The following PDE6A variants were observed in gnomAD, a reference collection of about 807,000 sequenced individuals.
PDE6A encodes phosphodiesterase 6A, also known as rod cGMP-specific 3',5'-cyclic phosphodiesterase subunit alpha.
In PDE6A, 84 loss-of-function variants were observed where a neutral mutation model predicts 106.3. The ratio of observed to expected loss-of-function variants is 0.79; its 90% CI spans 0.66 to 0.95. The LOEUF (loss-of-function observed/expected upper bound fraction) is 0.95, where lower values mean the gene tolerates loss of function less well. PDE6A is among the 40% of genes least tolerant of loss of function. The probability of loss-of-function intolerance (pLI) is 0.00; values close to 1 mark genes in which losing one functional copy is unlikely to be tolerated. For missense variants in PDE6A, 1,052 were observed against 1,084.9 expected (o/e 0.97, Z 0.43); for synonymous variants, 394 against 386.6 (o/e 1.02, Z -0.23).
chr5:149,933,789 C>T (rs1012152452), intron 3 of PDE6A, 141 bp downstream of exon 3: 1 of 690,034 alleles, frequency 1.4e-6, no homozygotes, highest in East Asian at 2.7e-5. Flanking sequence ...TACAGACAAC[C>T]ACTACCTCAT....
At chr5:149,862,797 T>C (rs74422901) in intron 21 of PDE6A, among the ~76,000 whole-genome samples, 3,309 of 152,240 alleles carry the variant, frequency 0.022, 132 homozygotes, top group African/African-American at 0.076. Flanking sequence ...TTCCAACCAA[T>C]AATTATAGAT....
Position 149,931,018 on chromosome 5 carries a change from G to A in PDE6A, c.858+10C>T, listed in dbSNP as rs370635591. 9 of 1,613,776 alleles carry A rather than the reference G, an allele frequency of 5.6e-6. No individual in the cohort carries two copies. In the African/African-American group the frequency reaches 1.2e-4, roughly 22 times the overall value. ...TTTCTTGGAAATGTCTGTTGCTGAA[G>A]TTTTCTCACCTTCTGCTTGGTCATG... is the stretch of plus-strand genomic sequence containing the variant. On this transcript the variant is annotated intron_variant, in intron 4 of 21. Coordinates refer to ENST00000255266, the MANE Select transcript of PDE6A (RefSeq NM_000440.3).
intron 3 of PDE6A, among the ~76,000 whole-genome samples, chr5:149,931,529 G>A (rs572699135): frequency 6.6e-6 from 1 of 152,310 alleles, no homozygotes; most frequent in South Asian, 2.1e-4. Context: ...CTGCTGAAAT[G>A]TTAGAAATTA....
chr5:149,893,465 A>G (rs1752621202), intron 13 of PDE6A, among the ~76,000 whole-genome samples: 1 of 152,130 alleles, frequency 6.6e-6, no homozygotes, highest in African/African-American at 2.4e-5. Context: ...TAATAACCTA[A>G]TCACTGCCAA....
intron 8 of PDE6A, among the ~76,000 whole-genome samples, chr5:149,901,563 C>T (rs1406452546): frequency 6.6e-6 from 1 of 152,020 alleles, no homozygotes; most frequent in African/African-American, 2.4e-5. Flanking sequence ...AAACAAAAAA[C>T]AACATTATTT....
intron 4 of PDE6A, among the ~76,000 whole-genome samples, chr5:149,926,959 CA>C (rs1753879884): frequency 1.0e-5 from 1 of 97,878 alleles, no homozygotes; most frequent in Non-Finnish European, 1.9e-5. Context: ...GCCTGGGCAA[CA>C]AGAGCGAAAC....
rs1338378538 is a variant in PDE6A, at chr5:149,883,459, A to G, written c.2105T>C (p.Met702Thr). The G allele has an allele frequency of 1.9e-6, 3 of 1,613,456 alleles. No homozygotes were observed. Among genetic ancestry groups the G allele is most frequent in the Non-Finnish European group, 1.7e-6 (2 of 1,179,496 alleles). Reference protein sequence around the residue: ...ESEQEWTQYMMLEQTRKEIVM... With the variant: ...ESEQEWTQYMTLEQTRKEIVM... ...GATTTCCTTCCGTGTCTGCTCCAGCATCATGTACTGTGTCCACTCCTGTTC... is the reference window on the plus strand; with the variant it reads ...GATTTCCTTCCGTGTCTGCTCCAGCGTCATGTACTGTGTCCACTCCTGTTC... The change falls in exon 17 of 22, where the codon ATG becomes ACG. Residue 702 changes from methionine to threonine, a missense_variant. Coordinates refer to ENST00000255266, the MANE Select transcript of PDE6A (RefSeq NM_000440.3).
In PDE6A at chr5:149,859,172, A is replaced by G. The variant is rs1001458498; in HGVS notation, c.*1723T>C. 2.6e-5 allele frequency: 4 copies of G among 152,202 alleles called. No individual in the cohort carries two copies. Among genetic ancestry groups the G allele is most frequent in the African/African-American group, 9.6e-5 (4 of 41,454 alleles). 9.4% of individuals were successfully genotyped at this position (152,202 alleles called of 1,614,324 possible). A position where few individuals can be genotyped will look rare whatever the true frequency, so the allele number is the denominator to read the frequency against. On this transcript the variant is annotated 3_prime_UTR_variant, in exon 22 of 22. Coordinates refer to ENST00000255266, the MANE Select transcript of PDE6A (RefSeq NM_000440.3). Reference sequence around the variant, plus strand: ...CAGAATGCCTGCTAATTTAAGAAACAGAAGTTCTGGAATTGAGAATAATCT... The same window carrying G: ...CAGAATGCCTGCTAATTTAAGAAACGGAAGTTCTGGAATTGAGAATAATCT...
intron 18 of PDE6A, 105 bp from the exon 19 acceptor site, chr5:149,867,904 C>A: frequency 8.4e-7 from 1 of 1,188,018 alleles, no homozygotes; most frequent in Non-Finnish European, 1.2e-6. Flanking sequence ...AAGGATAAAC[C>A]CATCCCTGCC....
chr5:149,914,571 G>A (rs1376924954), intron 6 of PDE6A, among the ~76,000 whole-genome samples: 1 of 150,950 alleles, frequency 6.6e-6, no homozygotes, highest in Non-Finnish European at 1.5e-5. Context: ...GATTAGGAGA[G>A]AGGTAAACGC....
In PDE6A at chr5:149,886,245, G is replaced by A. The variant is rs779601968; in HGVS notation, c.1838+20C>T. 1.3e-6 allele frequency: 2 copies of A among 1,534,870 alleles called. No individual in the cohort carries two copies. The highest frequency in any genetic ancestry group is 1.4e-5 in the African/African-American group (1 of 73,476). ...ATAATGAATCCGGAGGGTTGGGTGT[G>A]GGGAGGGAGGCTGACTCACTTCATC... is the stretch of plus-strand genomic sequence containing the variant. On this transcript the variant is annotated intron_variant, in intron 14 of 21. Transcript: ENST00000255266.
At chr5:149,914,513 G>A (rs924460018) in intron 6 of PDE6A, among the ~76,000 whole-genome samples, 5 of 152,118 alleles carry the variant, frequency 3.3e-5, no homozygotes, top group Admixed American at 6.6e-5. Context: ...CCGTGATAAC[G>A]TTCCACTTCA....
Position 149,860,706 on chromosome 5 carries a change from G to A in PDE6A, c.*189C>T. 2.0e-6 allele frequency: 1 copy of A among 505,218 alleles called. No individual in the cohort carries two copies. The highest frequency in any genetic ancestry group is 3.0e-5 in the East Asian group (1 of 32,994). 31.3% of individuals were successfully genotyped at this position (505,218 alleles called of 1,614,324 possible). A position where few individuals can be genotyped will look rare whatever the true frequency, so the allele number is the denominator to read the frequency against. On this transcript the variant is annotated 3_prime_UTR_variant, in exon 22 of 22. Coordinates refer to ENST00000255266, the MANE Select transcript of PDE6A (RefSeq NM_000440.3). The stretch of plus-strand genomic sequence containing the variant: ...ATTAGTGTTACTGTATTTTATGTGT[G>A]ACCCAAGACAATTCTTCCAATGTGG...
intron 3 of PDE6A, 90 bp downstream of exon 3, chr5:149,933,840 C>T (rs1034621743): frequency 1.5e-5 from 14 of 924,288 alleles, no homozygotes; most frequent in African/African-American, 1.5e-4. Flanking sequence ...TCCTAGGCAC[C>T]TTCATTCCCA....
intron 12 of PDE6A, 39 bp from the exon 13 acceptor site, chr5:149,895,329 G>A: frequency 1.5e-6 from 2 of 1,358,706 alleles, no homozygotes; most frequent in Non-Finnish European, 2.1e-6. Context: ...GGACACACCT[G>A]AAATGGTCTC....
intron 17 of PDE6A, among the ~76,000 whole-genome samples, chr5:149,873,880 G>A (rs993570562): frequency 6.6e-6 from 1 of 151,818 alleles, no homozygotes; most frequent in African/African-American, 2.4e-5. Flanking sequence ...TAAAATTACT[G>A]AAGTAGTCCT....
At chr5:149,874,319 CAAAG>C (rs1391921219) in intron 17 of PDE6A, among the ~76,000 whole-genome samples, 8 of 152,200 alleles carry the variant, frequency 5.3e-5, no homozygotes, top group African/African-American at 1.7e-4. Context: ...GACTTGGCAA[CAAAG>C]TTGAAATGTG....
At position 149,860,487 on chromosome 5, in the gene PDE6A, C is replaced by G. The variant is rs1222236301; in HGVS notation, c.*408G>C. ...AGAATATTGGTTTTAGCTCAATAGGCAGTTCTCAAGACTAAAAGAATGTTT... is the reference window on the plus strand; with the variant it reads ...AGAATATTGGTTTTAGCTCAATAGGGAGTTCTCAAGACTAAAAGAATGTTT... On this transcript the variant is annotated 3_prime_UTR_variant, in exon 22 of 22. Coordinates refer to ENST00000255266, the MANE Select transcript of PDE6A (RefSeq NM_000440.3). 2 of 158,700 alleles carry G rather than the reference C, an allele frequency of 1.3e-5. No homozygotes were observed. The highest frequency in any genetic ancestry group is 2.4e-5 in the African/African-American group (1 of 41,634). 9.8% of individuals were successfully genotyped at this position (158,700 alleles called of 1,614,324 possible). A position where few individuals can be genotyped will look rare whatever the true frequency, so the allele number is the denominator to read the frequency against.
In PDE6A at chr5:149,859,117, G is replaced by T. The variant is rs1050151242; in HGVS notation, c.*1778C>A. On this transcript the variant is annotated 3_prime_UTR_variant, in exon 22 of 22. Coordinates refer to ENST00000255266, the MANE Select transcript of PDE6A (RefSeq NM_000440.3). ...TGGAATTACAGGCGTGAGCCACCGC[G>T]CCCGGCCAACATCTATCTTTTTAAA... 6.6e-6 allele frequency: 1 copy of T among 152,074 alleles called. No individual in the cohort carries two copies. The highest frequency in any genetic ancestry group is 1.5e-5 in the Non-Finnish European group (1 of 68,018). The allele number at this position is 152,074 out of a possible 1,614,324, so 9.4% of individuals were successfully genotyped here. A position where few individuals can be genotyped will look rare whatever the true frequency, so the allele number is the denominator to read the frequency against.
Sources: gnomAD v4.1 joint callset for allele counts (sites outside exome capture counted in the v4.1 genomes callset) on GRCh38, gnomAD v4.1.1 for gene constraint, MANE v1.5 for transcripts, NCBI Gene and HGNC (gene_info 2026-07-23, HGNC 2026-07-21) for gene names.